Variants in MTREX observed in about 807,000 individuals in gnomAD.
The protein encoded by MTREX is exosome RNA helicase MTR4.
In MTREX, 76 loss-of-function variants were observed where a neutral mutation model predicts 135.4. That is an observed-to-expected ratio of 0.56 (90% CI 0.47 to 0.68). The LOEUF (loss-of-function observed/expected upper bound fraction) is 0.68. Ranked by LOEUF, MTREX falls within the 30% of genes least tolerant of loss-of-function variation. The probability of loss-of-function intolerance (pLI) is 0.00; values close to 1 mark genes in which losing one functional copy is unlikely to be tolerated. For missense variants in MTREX, 920 were observed against 1,262.1 expected (o/e 0.73, Z 4.11); for synonymous variants, 404 against 401.6 (o/e 1.01, Z -0.07).
chr5:55,354,238 T>C (rs1220335795), intron 14 of MTREX, among the ~76,000 whole-genome samples: 2 of 152,146 alleles, frequency 1.3e-5, no homozygotes, highest in African/African-American at 4.8e-5. Flanking sequence ...GAGAAGTATG[T>C]TCAGGGATAT....
At chr5:55,386,903 A>G (rs181856787) in intron 18 of MTREX, among the ~76,000 whole-genome samples, 1 of 152,112 alleles carries the variant, frequency 6.6e-6, no homozygotes, top group African/African-American at 2.4e-5. Flanking sequence ...TCTTATAATC[A>G]TTGACTCCTT....
intron 15 of MTREX, among the ~76,000 whole-genome samples, chr5:55,365,973 A>G (rs1275764732): frequency 6.6e-6 from 1 of 151,564 alleles, no homozygotes; most frequent in Non-Finnish European, 1.5e-5. Context: ...CCTGGGCTAC[A>G]CAGCGAGACC....
In MTREX at chr5:55,414,251, T is replaced by G. The variant is rs773728281; in HGVS notation, c.2808+13T>G. ...TCGTCAAATGCAGGTAAGGTTTTTT[T>G]TTTTTTTTTTTGAACTACATATTTT... On this transcript the variant is annotated intron_variant, in intron 24 of 26. Transcript: ENST00000230640. 42 of 1,560,048 alleles carry G rather than the reference T, an allele frequency of 2.7e-5. No homozygotes were observed. The highest frequency in any genetic ancestry group is 1.1e-4 in the East Asian group (5 of 44,118).
intron 5 of MTREX, among the ~76,000 whole-genome samples, chr5:55,331,856 T>C (rs1749482123): frequency 6.6e-6 from 1 of 152,198 alleles, no homozygotes; most frequent in African/African-American, 2.4e-5. Flanking sequence ...CGTACTGTTC[T>C]TATATCCAGT....
At chr5:55,387,617 A>G (rs985642799) in intron 18 of MTREX, among the ~76,000 whole-genome samples, 2 of 152,144 alleles carry the variant, frequency 1.3e-5, no homozygotes, top group African/African-American at 4.8e-5. Flanking sequence ...ATAATAAGCA[A>G]TAAAATAATC....
chr5:55,326,493 C>A (rs1357764647), intron 3 of MTREX, among the ~76,000 whole-genome samples: 1 of 152,150 alleles, frequency 6.6e-6, no homozygotes, highest in African/African-American at 2.4e-5. Context: ...TTCAAGCCCA[C>A]CTTTCTGTCA....
chr5:55,347,248 C>A, intron 11 of MTREX, 104 bp downstream of exon 11: 1 of 1,167,852 alleles, frequency 8.6e-7, no homozygotes, highest in East Asian at 2.6e-5. Flanking sequence ...ATATGCCATT[C>A]ACCTTACAGT....
chr5:55,310,413 G>A (rs1175937759), intron 1 of MTREX, among the ~76,000 whole-genome samples: 1 of 152,162 alleles, frequency 6.6e-6, no homozygotes, highest in African/African-American at 2.4e-5. Context: ...TTCGAGACCA[G>A]CTTCACCAAC....
At chr5:55,391,410 G>A (rs1750564320) in intron 19 of MTREX, among the ~76,000 whole-genome samples, 1 of 152,110 alleles carries the variant, frequency 6.6e-6, no homozygotes, top group Non-Finnish European at 1.5e-5. Context: ...CCATGCCACT[G>A]CACTCCAGCC....
intron 21 of MTREX, among the ~76,000 whole-genome samples, chr5:55,403,250 A>AT (rs1225705766): frequency 2.0e-5 from 3 of 151,634 alleles, no homozygotes; most frequent in Non-Finnish European, 4.4e-5. Flanking sequence ...CAGTCCAGAC[A>AT]TTTTTTTTCC....
chr5:55,414,595 TATTTTTA>T (rs1378192886), intron 24 of MTREX, among the ~76,000 whole-genome samples: 1 of 152,176 alleles, frequency 6.6e-6, no homozygotes, highest in Non-Finnish European at 1.5e-5. Flanking sequence ...GGATTTAGTT[TATTTTTA>T]ATTTTTTGCA....
intron 1 of MTREX, among the ~76,000 whole-genome samples, chr5:55,315,311 A>G (rs1055048420): frequency 2.0e-5 from 3 of 152,148 alleles, no homozygotes; most frequent in Admixed American, 6.5e-5. Flanking sequence ...ATTTTCCCCA[A>G]TGTTTTGTCA....
intron 20 of MTREX, among the ~76,000 whole-genome samples, chr5:55,398,120 C>T (rs1464407990): frequency 1.3e-5 from 2 of 152,040 alleles, no homozygotes; most frequent in Non-Finnish European, 2.9e-5. Flanking sequence ...CATCTATAAT[C>T]CCAGTTACTC....
chr5:55,317,034 A>G (rs1203524689), intron 1 of MTREX, among the ~76,000 whole-genome samples: 2 of 151,964 alleles, frequency 1.3e-5, no homozygotes, highest in East Asian at 3.8e-4. Flanking sequence ...CAATTGCCAC[A>G]CACCTCCCCC....
At chr5:55,399,753 C>T (rs1411997027) in intron 20 of MTREX, among the ~76,000 whole-genome samples, 2 of 152,176 alleles carry the variant, frequency 1.3e-5, no homozygotes, top group Non-Finnish European at 2.9e-5. Flanking sequence ...TCCCAAAGTG[C>T]TGGGATTACA....
intron 24 of MTREX, among the ~76,000 whole-genome samples, chr5:55,415,668 G>A: frequency 6.6e-6 from 1 of 152,192 alleles, no homozygotes. Context: ...TTAGTTAAAT[G>A]CTGCTCTTGA....
At chr5:55,318,573 T>C (rs371813017) in intron 1 of MTREX, among the ~76,000 whole-genome samples, 1 of 152,018 alleles carries the variant, frequency 6.6e-6, no homozygotes, top group East Asian at 1.9e-4. Context: ...AAAAGATAAC[T>C]TATGAACACA....
intron 15 of MTREX, among the ~76,000 whole-genome samples, chr5:55,362,609 C>G (rs1422228165): frequency 1.3e-5 from 2 of 152,112 alleles, no homozygotes; most frequent in South Asian, 2.1e-4. Flanking sequence ...GATCCACCCA[C>G]CTTGGCCTCC....
intron 5 of MTREX, among the ~76,000 whole-genome samples, chr5:55,338,696 A>G (rs1749592427): frequency 6.8e-6 from 1 of 147,838 alleles, no homozygotes; most frequent in Non-Finnish European, 1.5e-5. Flanking sequence ...ATTTATCTTC[A>G]TGTTCATTGA....
Sources: allele counts gnomAD v4.1 joint callset (sites outside exome capture counted in the v4.1 genomes callset), GRCh38; gene constraint gnomAD v4.1.1; transcripts MANE v1.5; gene names NCBI Gene and HGNC (gene_info 2026-07-23, HGNC 2026-07-21).